The following MMP2 variants were observed in gnomAD, a reference collection of about 807,000 sequenced individuals.
MMP2 encodes matrix metallopeptidase 2.
A neutral mutation model predicts 74.8 loss-of-function variants in MMP2; 39 were observed. That is an observed-to-expected ratio of 0.52 (90% confidence interval 0.40 to 0.68). MMP2 has a LOEUF of 0.68. MMP2 is among the 30% of genes least tolerant of loss of function. The probability of loss-of-function intolerance (pLI) is 0.00; values close to 1 mark genes in which losing one functional copy is unlikely to be tolerated. For synonymous variants in MMP2, 367 were observed against 339.8 expected (o/e 1.08, Z -0.88); for missense variants, 803 against 878.3 (o/e 0.91, Z 1.08).
chr16:55,488,530 C>A lies in MMP2; in HGVS notation c.833-13C>A, dbSNP rs780689252. On this transcript the variant is annotated splice_polypyrimidine_tract_variant and intron_variant, in intron 5 of 12. Transcript: ENST00000219070. ...GTCTCATTCACATCCTTCCCTCTCTCCCCCACCCTTAGCCCTGTTCACCAT... is the reference window on the plus strand; with the variant it reads ...GTCTCATTCACATCCTTCCCTCTCTACCCCACCCTTAGCCCTGTTCACCAT... The A allele has an allele frequency of 3.1e-6, 5 of 1,612,666 alleles. No homozygotes were observed. Among genetic ancestry groups the A allele is most frequent in the South Asian group, 1.1e-5 (1 of 90,678 alleles).
At chr16:55,485,515 G>T (rs1435074304) in intron 4 of MMP2, 88 bp downstream of exon 4, 2 of 1,611,996 alleles carry the variant, frequency 1.2e-6, no homozygotes, top group Non-Finnish European at 1.7e-6. Context: ...TGGGAGGGGA[G>T]GAAAGTCACA....
chr16:55,493,552 G>A (rs1289970716), intron 9 of MMP2, among the ~76,000 whole-genome samples: 2 of 152,176 alleles, frequency 1.3e-5, no homozygotes, highest in African/African-American at 4.8e-5. Flanking sequence ...GGTGTGCTCT[G>A]CCTGTTGTTC....
At chr16:55,496,657 A>G (rs1350585618) in intron 9 of MMP2, among the ~76,000 whole-genome samples, 1 of 152,166 alleles carries the variant, frequency 6.6e-6, no homozygotes, top group African/African-American at 2.4e-5. Flanking sequence ...GAGAGGGAAA[A>G]CACAATATGG....
chr16:55,481,646 G>C, intron 1 of MMP2: 1 of 504,432 alleles, frequency 2.0e-6, no homozygotes, highest in Non-Finnish European at 3.6e-6. Flanking sequence ...TGCCTGGTTT[G>C]AACACCTCTG....
chr16:55,479,123 C>T (rs1469308577), upstream of MMP2: 1 of 175,574 alleles, frequency 5.7e-6, no homozygotes, highest in East Asian at 1.5e-4. Flanking sequence ...AGTGCGCCCC[C>T]CGCCCCCAGC....
chr16:55,486,158 A>G (rs1962242572), intron 5 of MMP2, among the ~76,000 whole-genome samples: 1 of 152,168 alleles, frequency 6.6e-6, no homozygotes, highest in Non-Finnish European at 1.5e-5. Context: ...GTCAAGATTG[A>G]TACTTCAAGG....
chr16:55,492,490 T>A (rs1438612655), intron 8 of MMP2, among the ~76,000 whole-genome samples: 1 of 151,718 alleles, frequency 6.6e-6, no homozygotes, highest in African/African-American at 2.4e-5. Flanking sequence ...GTTCTTACAG[T>A]GAGGCTAGAG....
intron 11 of MMP2, among the ~76,000 whole-genome samples, chr16:55,502,521 T>C (rs1346472838): frequency 6.6e-6 from 1 of 152,236 alleles, no homozygotes; most frequent in Non-Finnish European, 1.5e-5. Context: ...GTAAGTGCTT[T>C]ATAAATGTTA....
intron 3 of MMP2, 120 bp from the exon 4 acceptor site, chr16:55,485,179 G>A (rs2142348038): frequency 7.0e-7 from 1 of 1,431,960 alleles, no homozygotes; most frequent in East Asian, 2.3e-5. Context: ...TAACCCCACT[G>A]GGACAAGGGA....
In MMP2 at chr16:55,492,059, C is replaced by T. The variant is rs2142359347; in HGVS notation, c.1336+103C>T. ...GTGGGACCAGCAAGATCTCATCCAG[C>T]CAGGAGTGCTGGAGACGAGGGCAGG... On this transcript the variant is annotated intron_variant, in intron 8 of 12. Coordinates refer to ENST00000219070, the MANE Select transcript of MMP2 (RefSeq NM_004530.6). 3 of 1,189,988 alleles carry T rather than the reference C, an allele frequency of 2.5e-6. No homozygotes were observed. The South Asian group carries it at 4.2e-5, about 16-fold the overall frequency. 73.7% of individuals were successfully genotyped at this position (1,189,988 alleles called of 1,614,324 possible).
At chr16:55,479,676 T>C (rs1489080693) in intron 1 of MMP2, 44 bp downstream of exon 1, 7 of 1,612,444 alleles carry the variant, frequency 4.3e-6, no homozygotes, top group Non-Finnish European at 5.9e-6. Flanking sequence ...TTAGACAAAC[T>C]TCGGAGGCAA....
chr16:55,498,355 T>C lies in MMP2; in HGVS notation c.1676T>C (p.Leu559Pro). 2 of 1,614,242 alleles carry C rather than the reference T, an allele frequency of 1.2e-6. No individual in the cohort carries two copies. The highest frequency in any genetic ancestry group is 2.7e-5 in the African/African-American group (2 of 75,068). ...GGGTACCCCAAGCCACTGACCAGCC[T>C]GGGACTGCCCCCTGATGTCCAGCGA... Reference protein sequence around the residue: ...ERGYPKPLTSLGLPPDVQRVD... With the variant: ...ERGYPKPLTSPGLPPDVQRVD... The change falls in exon 11 of 13, where the codon CTG becomes CCG. Residue 559 changes from leucine (L) to proline (P), a missense_variant. Transcript: ENST00000219070.
At chr16:55,488,917 A>G in intron 6 of MMP2, 2 of 636,392 alleles carry the variant, frequency 3.1e-6, no homozygotes, top group Non-Finnish European at 5.5e-6. Context: ...CTGAAATCAG[A>G]ACAGACATTG....
intron 9 of MMP2, among the ~76,000 whole-genome samples, chr16:55,496,585 G>T (rs1216879193): frequency 6.6e-6 from 1 of 152,158 alleles, no homozygotes; most frequent in Non-Finnish European, 1.5e-5. Context: ...TCAAATAGGA[G>T]AGTTAAGACA....
intron 9 of MMP2, among the ~76,000 whole-genome samples, chr16:55,493,895 G>A (rs745671199): frequency 1.2e-4 from 18 of 152,188 alleles, no homozygotes; most frequent in Non-Finnish European, 2.6e-4. Context: ...GAAAGAGGTG[G>A]TATTCTTCAT....
At chr16:55,488,325 C>T (rs1877470106) in intron 5 of MMP2, 2 of 583,940 alleles carry the variant, frequency 3.4e-6, no homozygotes, top group Non-Finnish European at 6.1e-6. Flanking sequence ...TTGGGTGGTC[C>T]ACAAGGTCCC....
Position 55,479,571 on chromosome 16 carries a change from C to T in MMP2, c.92C>T (p.Pro31Leu), listed in dbSNP as rs1457596299. ...GCLLSHAAAA[P>L]SPIIKFPGDV... ...CTGCTGAGCCACGCCGCCGCCGCGC[C>T]GTCGCCCATCATCAAGTTCCCCGGC... Residue 31 changes from proline (P) to leucine (L), a missense_variant, in exon 1 of 13, where the codon CCG (proline) becomes CTG (leucine). Coordinates refer to ENST00000219070, the MANE Select transcript of MMP2 (RefSeq NM_004530.6). The T allele has an allele frequency of 6.2e-7, 1 of 1,613,344 alleles. No homozygotes were observed. Among genetic ancestry groups the T allele is most frequent in the East Asian group, 2.2e-5 (1 of 44,870 alleles).
intron 7 of MMP2, 148 bp from the exon 8 acceptor site, chr16:55,491,653 G>GAA: frequency 3.4e-6 from 3 of 895,404 alleles, no homozygotes; most frequent in Non-Finnish European, 5.2e-6. Flanking sequence ...CTCAGGAAAA[G>GAA]AAAAAAAAAA....
chr16:55,502,740 G>T, intron 11 of MMP2, 39 bp from the exon 12 acceptor site: 1 of 1,574,320 alleles, frequency 6.4e-7, no homozygotes. Context: ...GTGTCCTTTA[G>T]AGAGGCCCTG....
Sources: gnomAD v4.1 joint callset for allele counts (sites outside exome capture counted in the v4.1 genomes callset) on GRCh38, gnomAD v4.1.1 for gene constraint, MANE v1.5 for transcripts, NCBI Gene and HGNC (gene_info 2026-07-23, HGNC 2026-07-21) for gene names.